NME7: variants seen among roughly 807,000 people sequenced by gnomAD.
The protein encoded by NME7 is NME/NM23 family member 7, also known as nucleoside diphosphate kinase 7.
A neutral mutation model predicts 49.1 loss-of-function variants in NME7; 41 were observed. The observed-to-expected ratio is 0.83, with a 90% CI of 0.65 to 1.08. The LOEUF (loss-of-function observed/expected upper bound fraction) is 1.08, where lower values mean the gene tolerates loss of function less well. Ranked by LOEUF, NME7 falls within the 50% of genes least tolerant of loss-of-function variation. The probability of loss-of-function intolerance (pLI) is 0.00; values close to 1 mark genes in which losing one functional copy is unlikely to be tolerated. For synonymous variants in NME7, 139 were observed against 150.6 expected (o/e 0.92, Z 0.56); for missense variants, 423 against 463.4 (o/e 0.91, Z 0.80).
intron 1 of NME7, among the ~76,000 whole-genome samples, chr1:169,366,415 G>A (rs1180497792): frequency 6.6e-6 from 1 of 152,212 alleles, no homozygotes; most frequent in Non-Finnish European, 1.5e-5. Context: ...CTGATAGATA[G>A]GAGGACTAGG....
chr1:169,329,124 G>A (rs949126160), intron 1 of NME7, among the ~76,000 whole-genome samples: 2 of 152,010 alleles, frequency 1.3e-5, no homozygotes, highest in Non-Finnish European at 2.9e-5. Flanking sequence ...TCTGCTATAG[G>A]TTTCAAAATC....
intron 11 of NME7, among the ~76,000 whole-genome samples, chr1:169,137,161 C>T (rs1658456313): frequency 6.6e-6 from 1 of 152,240 alleles, no homozygotes; most frequent in African/African-American, 2.4e-5. Context: ...GACCAACTTT[C>T]AACTCACTTG....
intron 1 of NME7, among the ~76,000 whole-genome samples, chr1:169,329,676 C>A (rs996866303): frequency 1.3e-5 from 2 of 151,794 alleles, no homozygotes; most frequent in Admixed American, 1.3e-4. Context: ...AAACATGAAG[C>A]ACACCTATAG....
intron 3 of NME7, among the ~76,000 whole-genome samples, chr1:169,313,396 T>C (rs1651489284): frequency 6.6e-6 from 1 of 151,954 alleles, no homozygotes; most frequent in Non-Finnish European, 1.5e-5. Context: ...CCGCTTAAGG[T>C]GAATCAGAAA....
At chr1:169,267,585 G>C (rs1434226150) in intron 7 of NME7, among the ~76,000 whole-genome samples, 1 of 132,846 alleles carries the variant, frequency 7.5e-6, no homozygotes, top group Non-Finnish European at 1.8e-5. Context: ...CAGACCAATG[G>C]AGCAGGATAG....
intron 7 of NME7, 169 bp downstream of exon 7, chr1:169,287,134 A>G: frequency 1.7e-6 from 1 of 588,636 alleles, no homozygotes; most frequent in Non-Finnish European, 3.0e-6. Flanking sequence ...ACAAATAGAG[A>G]TTTAGACAGA....
intron 1 of NME7, among the ~76,000 whole-genome samples, chr1:169,350,735 C>T (rs975858248): frequency 2.0e-5 from 3 of 152,106 alleles, no homozygotes; most frequent in African/African-American, 4.8e-5. Context: ...GATGTGAGCA[C>T]TTACTGATAT....
intron 7 of NME7, among the ~76,000 whole-genome samples, chr1:169,246,699 C>G (rs1003593371): frequency 1.3e-5 from 2 of 152,030 alleles, no homozygotes; most frequent in African/African-American, 4.8e-5. Flanking sequence ...CTACCTCAGC[C>G]TCCCAAGCAG....
intron 10 of NME7, among the ~76,000 whole-genome samples, chr1:169,188,465 T>A (rs1161475383): frequency 6.6e-6 from 1 of 152,208 alleles, no homozygotes; most frequent in African/African-American, 2.4e-5. Context: ...GCCTGGGTAC[T>A]CCCTCATTAG....
chr1:169,153,038 T>C (rs1393704672), intron 11 of NME7, among the ~76,000 whole-genome samples: 1 of 152,146 alleles, frequency 6.6e-6, no homozygotes, highest in Non-Finnish European at 1.5e-5. Context: ...ACTTTTGTCA[T>C]CGTTGACCTA....
chr1:169,313,101 C>G (rs1038449820), intron 3 of NME7, among the ~76,000 whole-genome samples: 1 of 149,698 alleles, frequency 6.7e-6, no homozygotes, highest in African/African-American at 2.5e-5. Context: ...CAAAATTATT[C>G]AGAACAATTC....
Position 169,342,619 on chromosome 1 carries a change from A to G in NME7, c.4-18119T>C, listed in dbSNP as rs1240284364. On this transcript the variant is annotated intron_variant, in intron 1 of 11. Transcript: ENST00000367811. ...GTACATATATATAGTATATATATAT[A>G]CAAGTACATATATATAGTATATATA... Among the ~76,000 whole-genome samples the G allele has an allele frequency of 3.5e-5, 3 of 84,740 alleles. 1 individual carries two copies. The highest frequency in any genetic ancestry group is 6.4e-5 in the Non-Finnish European group (3 of 46,638). The allele number at this position is 84,740 out of a possible 152,430, so 55.6% of individuals were successfully genotyped here. A position where few individuals can be genotyped will look rare whatever the true frequency, so the allele number is the denominator to read the frequency against.
chr1:169,309,904 A>G (rs1651317827), intron 4 of NME7, 66 bp downstream of exon 4: 2 of 961,574 alleles, frequency 2.1e-6, no homozygotes, highest in African/African-American at 3.4e-5. Context: ...AATGACAAGA[A>G]AGACAGAAAA....
chr1:169,308,779 T>C (rs1423177050), intron 4 of NME7, among the ~76,000 whole-genome samples: 1 of 152,150 alleles, frequency 6.6e-6, no homozygotes, highest in African/African-American at 2.4e-5. Context: ...TAGAAAGGGA[T>C]AAGTAAATGT....
intron 11 of NME7, among the ~76,000 whole-genome samples, chr1:169,143,273 C>CT (rs71299493): frequency 0.04 from 3,915 of 98,136 alleles, 122 homozygotes; most frequent in Middle Eastern, 0.09. Flanking sequence ...TCACCTCAGG[C>CT]TTTTTTTTTT....
chr1:169,188,362 G>C (rs1045447586), intron 10 of NME7, among the ~76,000 whole-genome samples: 2 of 152,178 alleles, frequency 1.3e-5, no homozygotes, highest in African/African-American at 4.8e-5. Context: ...TCAGGCTAAA[G>C]CTGTACAATC....
rs1240654013 is a variant in NME7 at position 169,257,426 on chromosome 1, C to T, written c.755-19739G>A. On this transcript the variant is annotated intron_variant, in intron 7 of 11. Coordinates refer to ENST00000367811, the MANE Select transcript of NME7 (RefSeq NM_013330.5). ...CAATGCCTCGCCCTGCTTCGGCTTG[C>T]GAACGGTACGCGCACCCACTGACCT... is the stretch of plus-strand genomic sequence containing the variant. Among the ~76,000 whole-genome samples, 6 of 134,094 alleles carry T rather than the reference C, an allele frequency of 4.5e-5. 2 individuals are homozygous for T. In the South Asian group the frequency reaches 1.4e-3, roughly 31 times the overall value. 88.0% of individuals were successfully genotyped at this position (134,094 alleles called of 152,430 possible).
chr1:169,302,758 C>G (rs935029632), intron 5 of NME7, among the ~76,000 whole-genome samples: 1 of 151,834 alleles, frequency 6.6e-6, no homozygotes, highest in Non-Finnish European at 1.5e-5. Flanking sequence ...CCCCCTGAAT[C>G]TAAAGTAAAA....
At chr1:169,181,834 T>C (rs1289297402) in intron 10 of NME7, among the ~76,000 whole-genome samples, 1 of 152,178 alleles carries the variant, frequency 6.6e-6, no homozygotes, top group Non-Finnish European at 1.5e-5. Context: ...CCATTATTCC[T>C]GAAGCCCTCC....
Sources: allele counts gnomAD v4.1 joint callset (sites outside exome capture counted in the v4.1 genomes callset), GRCh38; gene constraint gnomAD v4.1.1; transcripts MANE v1.5; gene names NCBI Gene and HGNC (gene_info 2026-07-23, HGNC 2026-07-21).